Variants in RCAN2 observed in about 807,000 individuals in gnomAD.
RCAN2 encodes the protein calcipressin-2.
Under a neutral mutation model 23.6 loss-of-function variants are expected in RCAN2, and 9 were observed. The ratio of observed to expected loss-of-function variants is 0.38; its 90% confidence interval spans 0.23 to 0.67. The LOEUF is 0.67. Among genes scored for constraint, RCAN2 ranks in the 30% least tolerant of loss-of-function variants. RCAN2 has a pLI of 0.51. For missense variants in RCAN2, 273 were observed against 302.3 expected (o/e 0.90, Z 0.72); for synonymous variants, 109 against 115.7 (o/e 0.94, Z 0.37).
At chr6:46,432,947 A>G (rs1172907337) in intron 2 of RCAN2, among the ~76,000 whole-genome samples, 1 of 152,222 alleles carries the variant, frequency 6.6e-6, no homozygotes, top group African/African-American at 2.4e-5. Flanking sequence ...TAACAAAATC[A>G]TTCCTGAATC....
intron 2 of RCAN2, among the ~76,000 whole-genome samples, chr6:46,439,470 C>T (rs984391857): frequency 7.2e-5 from 11 of 152,074 alleles, no homozygotes; most frequent in South Asian, 4.1e-4. Flanking sequence ...CATGAGTCAC[C>T]ATAGTTAACT....
chr6:46,462,823 GA>G (rs1348029114), intron 1 of RCAN2, among the ~76,000 whole-genome samples: 1 of 152,206 alleles, frequency 6.6e-6, no homozygotes, highest in Admixed American at 6.5e-5. Flanking sequence ...ATGTGCATGA[GA>G]TTCACATTTC....
chr6:46,470,601 C>A (rs150179441), intron 1 of RCAN2, among the ~76,000 whole-genome samples: 289 of 152,324 alleles, frequency 1.9e-3, no homozygotes, highest in African/African-American at 6.7e-3. Context: ...CTAAATAAAT[C>A]AAGCCAGTTT....
At chr6:46,477,646 G>A (rs1768751738) in intron 1 of RCAN2, among the ~76,000 whole-genome samples, 1 of 152,148 alleles carries the variant, frequency 6.6e-6, no homozygotes, top group Non-Finnish European at 1.5e-5. Context: ...ACTGAAAAGA[G>A]ATTTGCCAGA....
intron 2 of RCAN2, among the ~76,000 whole-genome samples, chr6:46,323,854 T>C (rs987713134): frequency 6.6e-6 from 1 of 152,236 alleles, no homozygotes; most frequent in African/African-American, 2.4e-5. Context: ...GCACAATGCC[T>C]GGCATGTTGC....
intron 2 of RCAN2, among the ~76,000 whole-genome samples, chr6:46,412,107 G>C (rs906607457): frequency 6.6e-6 from 1 of 152,184 alleles, no homozygotes; most frequent in Non-Finnish European, 1.5e-5. Flanking sequence ...TAGTGGTGGA[G>C]ACAGGGTGAA....
chr6:46,479,738 A>G (rs1445258317), intron 1 of RCAN2, among the ~76,000 whole-genome samples: 3 of 151,902 alleles, frequency 2.0e-5, no homozygotes, highest in Admixed American at 6.6e-5. Context: ...ACTCACCTCC[A>G]TGCCTGGCTA....
chr6:46,315,441 GA>G (rs1763401330), intron 2 of RCAN2, among the ~76,000 whole-genome samples: 2 of 152,162 alleles, frequency 1.3e-5, no homozygotes, highest in Non-Finnish European at 2.9e-5. Context: ...ACAGCTCTAT[GA>G]TGAGTGAGGA....
At chr6:46,437,880 A>C (rs1054321301) in intron 2 of RCAN2, among the ~76,000 whole-genome samples, 2 of 152,166 alleles carry the variant, frequency 1.3e-5, no homozygotes, top group Admixed American at 1.3e-4. Context: ...GTGAAAGAAC[A>C]CCCTCTCTCC....
chr6:46,233,861 G>T (rs1164405617), intron 4 of RCAN2, among the ~76,000 whole-genome samples: 2 of 151,836 alleles, frequency 1.3e-5, no homozygotes, highest in Non-Finnish European at 2.9e-5. Flanking sequence ...TCGAGTAGCT[G>T]GGATTACAGG....
chr6:46,337,504 G>A (rs989607511), intron 2 of RCAN2, among the ~76,000 whole-genome samples: 1 of 152,206 alleles, frequency 6.6e-6, no homozygotes, highest in Admixed American at 6.5e-5. Context: ...GGATTTTAAA[G>A]TGCAAAAAGA....
chr6:46,358,978 G>A (rs192556679), intron 2 of RCAN2, among the ~76,000 whole-genome samples: 29 of 152,292 alleles, frequency 1.9e-4, no homozygotes, highest in Admixed American at 9.2e-4. Flanking sequence ...GCTGTGTTTA[G>A]AGTCCCACAG....
chr6:46,285,753 A>C (rs1374078451), intron 2 of RCAN2, among the ~76,000 whole-genome samples: 1 of 152,054 alleles, frequency 6.6e-6, no homozygotes, highest in Non-Finnish European at 1.5e-5. Flanking sequence ...GTCTAATGTT[A>C]CTGGAATCTT....
intron 2 of RCAN2, among the ~76,000 whole-genome samples, chr6:46,273,296 T>A (rs1158356515): frequency 6.6e-6 from 1 of 152,236 alleles, no homozygotes; most frequent in Non-Finnish European, 1.5e-5. Flanking sequence ...GAATTCACAA[T>A]TTCTCTGCTC....
intron 2 of RCAN2, among the ~76,000 whole-genome samples, chr6:46,349,824 A>G (rs1028103136): frequency 3.9e-5 from 6 of 152,116 alleles, no homozygotes; most frequent in African/African-American, 1.4e-4. Flanking sequence ...TCTAGTTCTA[A>G]TACAGTCTAA....
At chr6:46,473,389 T>C (rs915952671) in intron 1 of RCAN2, among the ~76,000 whole-genome samples, 2 of 152,130 alleles carry the variant, frequency 1.3e-5, no homozygotes, top group Admixed American at 6.6e-5. Context: ...TAGCATATAA[T>C]AGGCATTCAG....
At chr6:46,322,519 C>G (rs1763651044) in intron 2 of RCAN2, among the ~76,000 whole-genome samples, 1 of 152,222 alleles carries the variant, frequency 6.6e-6, no homozygotes, top group Admixed American at 6.5e-5. Context: ...ATGAGGCTTT[C>G]TGTGTCACTA....
intron 1 of RCAN2, chr6:46,468,698 C>G: frequency 1.9e-6 from 1 of 528,478 alleles, no homozygotes; most frequent in Non-Finnish European, 2.4e-6. Flanking sequence ...GCTGTGCTGA[C>G]GAGACAAATG....
intron 4 of RCAN2, 124 bp from the exon 5 acceptor site, chr6:46,223,425 C>T (rs1244366450): frequency 1.2e-6 from 1 of 830,284 alleles, no homozygotes; most frequent in East Asian, 2.5e-5. Flanking sequence ...TGATCTTATG[C>T]AGGGATGGCA....
Sources: allele counts gnomAD v4.1 joint callset (sites outside exome capture counted in the v4.1 genomes callset), GRCh38; gene constraint gnomAD v4.1.1; transcripts MANE v1.5; gene names NCBI Gene and HGNC (gene_info 2026-07-23, HGNC 2026-07-21).